The following LSM5 variants were observed in gnomAD, a reference collection of about 807,000 sequenced individuals.
LSM5 encodes the protein U6 snRNA-associated Sm-like protein LSm5.
LSM5 carries 8 observed loss-of-function variants against 13.8 expected under a neutral mutation model. That is an observed-to-expected ratio of 0.58 (90% CI 0.34 to 1.04). LSM5 has a LOEUF of 1.04. Among genes scored for constraint, LSM5 ranks in the 50% least tolerant of loss-of-function variants. The pLI, the probability that LSM5 is intolerant of heterozygous loss-of-function variation, is 0.03. For missense variants in LSM5, 80 were observed against 108.1 expected (o/e 0.74, Z 1.15); for synonymous variants, 35 against 37.0 (o/e 0.95, Z 0.20).
At chr7:32,487,605 C>T (rs111439099) in intron 4 of LSM5, 80 bp downstream of exon 4, 1 of 806,896 alleles carries the variant, frequency 1.2e-6, no homozygotes, top group Non-Finnish European at 2.2e-6. Context: ...GTCAAGCAAG[C>T]AACATTAAGG....
At chr7:32,487,863 A>T in intron 3 of LSM5, 106 bp from the exon 4 acceptor site, 1 of 648,390 alleles carries the variant, frequency 1.5e-6, no homozygotes, top group Admixed American at 2.4e-5. Flanking sequence ...TACAAATTAC[A>T]CTGAGGTTGA....
chr7:32,487,470 C>A, intron 4 of LSM5, 177 bp from the exon 5 acceptor site: 4 of 668,134 alleles, frequency 6.0e-6, no homozygotes, highest in Non-Finnish European at 8.0e-6. Context: ...ACTATCTCAA[C>A]AGCGATTAAA....
rs368579467 is a variant in LSM5 at position 32,487,719 on chromosome 7, T to C, written c.209A>G (p.Asp70Gly). ...TPEGRRITKL[D>G]QILLNGNNIT... ...ATTATTTCCATTTAGCAAAATCTGA[T>C]CTAATTTAGTAATCCTTCTTCCTTC... The change falls in exon 4 of 5, where the codon GAT (aspartate) becomes GGT (glycine). Residue 70 changes from aspartate (D) to glycine (G), a missense_variant. By Grantham distance (94) the Asp-to-Gly change is moderately conservative. Coordinates refer to ENST00000450169, the MANE Select transcript of LSM5 (RefSeq NM_012322.3). 3.3e-6 allele frequency: 5 copies of C among 1,516,570 alleles called. No homozygotes were observed. Among genetic ancestry groups the C allele is most frequent in the Admixed American group, 1.7e-5 (1 of 59,836 alleles). The allele number at this position is 1,516,570 out of a possible 1,614,324, so 93.9% of individuals were successfully genotyped here.
At chr7:32,493,956 A>G (rs1445841160), upstream of LSM5, among the ~76,000 whole-genome samples, 2 of 151,746 alleles carry the variant, frequency 1.3e-5, no homozygotes, top group Non-Finnish European at 2.9e-5. Context: ...GATTCAAGCA[A>G]TTCTCCTGTC....
At position 32,487,185 on chromosome 7, in the gene LSM5, G is replaced by T; in HGVS notation, c.*76C>A. 7.5e-7 allele frequency: 1 copy of T among 1,328,644 alleles called. No individual in the cohort carries two copies. The highest frequency in any genetic ancestry group is 1.1e-6 in the Non-Finnish European group (1 of 926,880). 82.3% of individuals were successfully genotyped at this position (1,328,644 alleles called of 1,614,324 possible). On this transcript the variant is annotated 3_prime_UTR_variant, in exon 5 of 5. Transcript: ENST00000450169. ...TTAGCTTTATGGGATTTAAACATTA[G>T]AAAGTGGGAAAAAAAATTCCATTTT... is the stretch of plus-strand genomic sequence containing the variant.
intron 4 of LSM5, 22 bp from the exon 5 acceptor site, chr7:32,487,315 T>A: frequency 6.2e-7 from 1 of 1,608,318 alleles, no homozygotes. Flanking sequence ...GGAAAAAGAG[T>A]TTATTAATAA....
chr7:32,488,587 TAAGAA>T (rs769021561), intron 3 of LSM5, 33 bp downstream of exon 3: 7 of 1,433,682 alleles, frequency 4.9e-6, no homozygotes, highest in Non-Finnish European at 5.9e-6. Flanking sequence ...TGTCTTTAAT[TAAGAA>T]GAGATTCCCC....
chr7:32,491,739 A>G (rs188948492), upstream of LSM5, among the ~76,000 whole-genome samples: 271 of 152,332 alleles, frequency 1.8e-3, no homozygotes, highest in Middle Eastern at 3.4e-3. Flanking sequence ...TCAGCATAGG[A>G]CCTGGCACAT....
At chr7:32,489,684 T>A (rs1786529221) in intron 1 of LSM5, 6 of 301,350 alleles carry the variant, frequency 2.0e-5, no homozygotes, top group South Asian at 1.9e-4. Flanking sequence ...ACTCTGTCTA[T>A]CCTCTGTGCT....
chr7:32,488,689 A>C, intron 2 of LSM5, 37 bp from the exon 3 acceptor site: 1 of 1,399,330 alleles, frequency 7.1e-7, no homozygotes, highest in Non-Finnish European at 1.0e-6. Context: ...TACAGAATTT[A>C]CTCTAGCTTC....
upstream of LSM5, chr7:32,490,536 T>G: frequency 1.6e-6 from 1 of 624,184 alleles, no homozygotes; most frequent in Non-Finnish European, 2.9e-6. Flanking sequence ...TGAGATCCGG[T>G]GAAATATTTC....
chr7:32,489,211 A>T, intron 2 of LSM5, 38 bp downstream of exon 2: 1 of 1,028,536 alleles, frequency 9.7e-7, no homozygotes, highest in Non-Finnish European at 1.5e-6. Context: ...TTATTACTTA[A>T]GAAAAACCTA....
At chr7:32,493,664 C>T (rs1316050908), upstream of LSM5, among the ~76,000 whole-genome samples, 2 of 151,978 alleles carry the variant, frequency 1.3e-5, no homozygotes, top group African/African-American at 4.8e-5. Context: ...CTTGCCTCAG[C>T]CTCCCTAGTA....
intron 4 of LSM5, 60 bp from the exon 5 acceptor site, chr7:32,487,353 C>G: frequency 6.8e-7 from 1 of 1,471,564 alleles, no homozygotes; most frequent in Non-Finnish European, 9.5e-7. Context: ...CTAAAAACCC[C>G]TTGCTCTTCA....
chr7:32,487,595 G>C (rs938946133), intron 4 of LSM5, 90 bp downstream of exon 4: 2 of 777,510 alleles, frequency 2.6e-6, no homozygotes, highest in Non-Finnish European at 4.6e-6. Flanking sequence ...TGATCATTTA[G>C]TCAAGCAAGC....
chr7:32,488,546 CATAA>C, intron 3 of LSM5, 75 bp downstream of exon 3: 1 of 940,042 alleles, frequency 1.1e-6, no homozygotes, highest in Non-Finnish European at 1.7e-6. Context: ...AATGTTTTCT[CATAA>C]ATAATTTTAC....
chr7:32,487,336 A>T, intron 4 of LSM5, 43 bp from the exon 5 acceptor site: 1 of 1,570,848 alleles, frequency 6.4e-7, no homozygotes, highest in South Asian at 1.1e-5. Flanking sequence ...CACTACCACC[A>T]TGTCATCTAA....
At chr7:32,490,423 T>A, upstream of LSM5, 1 of 1,039,848 alleles carries the variant, frequency 9.6e-7, no homozygotes, top group Non-Finnish European at 1.5e-6. Flanking sequence ...AAAAGCGCGC[T>A]TCCGCTTTTT....
At position 32,487,732 on chromosome 7, in the gene LSM5, T is replaced by C; in HGVS notation, c.196A>G (p.Ile66Val). 1 of 1,506,614 alleles carries C rather than the reference T, an allele frequency of 6.6e-7. No homozygotes were observed. The highest frequency in any genetic ancestry group is 9.2e-7 in the Non-Finnish European group (1 of 1,083,340). The allele number at this position is 1,506,614 out of a possible 1,614,324, so 93.3% of individuals were successfully genotyped here. A position where few individuals can be genotyped will look rare whatever the true frequency, so the allele number is the denominator to read the frequency against. ...AGCAAAATCTGATCTAATTTAGTAA[T>C]CCTTCTTCCTTCTGGTGTGATTTCA... ...EFEITPEGRR[I>V]TKLDQILLNG... is the part of the protein sequence containing the mutation. The change falls in exon 4 of 5, where the codon ATT becomes GTT. Residue 66 changes from isoleucine (I) to valine (V), a missense_variant. Transcript: ENST00000450169.
Sources: allele counts gnomAD v4.1 joint callset (sites outside exome capture counted in the v4.1 genomes callset), GRCh38; gene constraint gnomAD v4.1.1; transcripts MANE v1.5; gene names NCBI Gene and HGNC (gene_info 2026-07-23, HGNC 2026-07-21).